PTPRD: variants seen among roughly 807,000 people sequenced by gnomAD.
PTPRD encodes receptor-type tyrosine-protein phosphatase delta.
PTPRD carries 34 observed loss-of-function variants against 214.5 expected under a neutral mutation model. The ratio of observed to expected loss-of-function variants is 0.16; its 90% confidence interval spans 0.12 to 0.21. The LOEUF (loss-of-function observed/expected upper bound fraction) is 0.21. PTPRD is among the 10% of genes least tolerant of loss of function. The pLI is 1.00. For synonymous variants in PTPRD, 1,128 were observed against 845.7 expected, an observed-to-expected ratio of 1.33 and a Z score of -5.79; for missense variants, 2,545 against 2,398.7, an observed-to-expected ratio of 1.06 and a Z score of -1.27.
intron 9 of PTPRD, among the ~76,000 whole-genome samples, chr9:9,317,893 C>T (rs980445171): frequency 3.9e-5 from 6 of 151,926 alleles, no homozygotes; most frequent in African/African-American, 7.3e-5. Flanking sequence ...TTTTTCCAGC[C>T]GGGTGCGGTG....
rs188353353 is a variant in PTPRD, at chr9:9,629,929, T to A, written c.-286-55148A>T. On this transcript the variant is annotated intron_variant, in intron 7 of 45. Coordinates refer to ENST00000381196, the MANE Select transcript of PTPRD (RefSeq NM_002839.4). ...TAGGGGAAATGAGAGTAGGTGAGAT[T>A]AGACAAAGTGAAAAACTTCCAGGAA... Among the ~76,000 whole-genome samples, 492 of 152,202 alleles carry A rather than the reference T, an allele frequency of 3.2e-3. 10 individuals carry two copies. In the Middle Eastern group the frequency reaches 0.044, roughly 14 times the overall value.
At chr9:10,011,042 A>G (rs972833029) in intron 4 of PTPRD, among the ~76,000 whole-genome samples, 5 of 152,016 alleles carry the variant, frequency 3.3e-5, no homozygotes, top group Non-Finnish European at 7.4e-5. Flanking sequence ...TTCATTTCAT[A>G]CAAATATTAA....
At position 9,226,237 on chromosome 9, in the gene PTPRD, G is replaced by C. The variant is rs115588841; in HGVS notation, c.-202-42874C>G. Among the ~76,000 whole-genome samples the C allele has an allele frequency of 7.9e-3, 1,201 of 151,590 alleles. 14 individuals are homozygous for C. The highest frequency in any genetic ancestry group is 0.028 in the African/African-American group (1,146 of 41,330). ...CCTTCAGGGAAATCTAGTAGGCAGTGGTCTGTTTCTCTGTGCAAAGGGCAA... is the reference window on the plus strand; with the variant it reads ...CCTTCAGGGAAATCTAGTAGGCAGTCGTCTGTTTCTCTGTGCAAAGGGCAA... On this transcript the variant is annotated intron_variant, in intron 9 of 45. Coordinates refer to ENST00000381196, the MANE Select transcript of PTPRD (RefSeq NM_002839.4).
At chr9:8,915,536 T>C (rs538981377) in intron 11 of PTPRD, among the ~76,000 whole-genome samples, 2 of 152,216 alleles carry the variant, frequency 1.3e-5, no homozygotes, top group South Asian at 4.1e-4. Flanking sequence ...TATTTACAAG[T>C]ATACACACAC....
chr9:9,983,613 C>G (rs2095614571), intron 4 of PTPRD, among the ~76,000 whole-genome samples: 1 of 152,194 alleles, frequency 6.6e-6, no homozygotes, highest in South Asian at 2.1e-4. Flanking sequence ...AACGTACACT[C>G]ACATACAAAT....
At chr9:9,866,992 T>A (rs2064131078) in intron 5 of PTPRD, among the ~76,000 whole-genome samples, 1 of 152,208 alleles carries the variant, frequency 6.6e-6, no homozygotes, top group Non-Finnish European at 1.5e-5. Context: ...TCATGTTATT[T>A]CTTTTGGCTT....
At chr9:9,752,325 G>A (rs902210636) in intron 6 of PTPRD, among the ~76,000 whole-genome samples, 1 of 152,000 alleles carries the variant, frequency 6.6e-6, no homozygotes, top group Non-Finnish European at 1.5e-5. Context: ...TTCATTAGCA[G>A]GCTTAAATGG....
At chr9:9,219,514 T>C (rs1181334682) in intron 9 of PTPRD, among the ~76,000 whole-genome samples, 1 of 152,116 alleles carries the variant, frequency 6.6e-6, no homozygotes, top group African/African-American at 2.4e-5. Context: ...AAGCAGCTGC[T>C]CAGTTTGTAT....
intron 2 of PTPRD, among the ~76,000 whole-genome samples, chr9:10,391,832 T>C (rs2098072763): frequency 6.6e-6 from 1 of 151,754 alleles, no homozygotes; most frequent in South Asian, 2.1e-4. Context: ...AACTTACTCA[T>C]GGTTATTTCT....
intron 7 of PTPRD, among the ~76,000 whole-genome samples, chr9:9,580,731 T>C (rs749990994): frequency 6.6e-6 from 1 of 151,924 alleles, no homozygotes; most frequent in Non-Finnish European, 1.5e-5. Context: ...GTATTTTTAG[T>C]AGAGATGGGC....
At chr9:10,032,415 A>C (rs919938645) in intron 4 of PTPRD, among the ~76,000 whole-genome samples, 2 of 152,180 alleles carry the variant, frequency 1.3e-5, no homozygotes, top group African/African-American at 4.8e-5. Context: ...TATGGGACAC[A>C]AGTTATTCTT....
intron 3 of PTPRD, among the ~76,000 whole-genome samples, chr9:10,266,240 G>A (rs770580840): frequency 1.7e-4 from 26 of 151,452 alleles, no homozygotes; most frequent in Non-Finnish European, 3.1e-4. Context: ...TATAAACCAA[G>A]CAATGTAAGG....
At chr9:9,348,165 C>G (rs1382689734) in intron 9 of PTPRD, among the ~76,000 whole-genome samples, 2 of 152,094 alleles carry the variant, frequency 1.3e-5, no homozygotes, top group Admixed American at 1.3e-4. Context: ...GATTTGGTAT[C>G]TTTAGAAAAG....
intron 7 of PTPRD, among the ~76,000 whole-genome samples, chr9:9,681,962 T>C (rs1461120084): frequency 3.3e-5 from 5 of 151,836 alleles, no homozygotes; most frequent in African/African-American, 1.2e-4. Flanking sequence ...ATTAGCATTC[T>C]AGAGATTAGG....
chr9:9,055,639 T>G (rs1292605154), intron 10 of PTPRD, among the ~76,000 whole-genome samples: 13 of 152,000 alleles, frequency 8.6e-5, no homozygotes, highest in Admixed American at 8.5e-4. Context: ...AAAAGTTGAG[T>G]ATATATTTGT....
chr9:9,527,289 G>A (rs957741138), intron 8 of PTPRD, among the ~76,000 whole-genome samples: 2 of 152,106 alleles, frequency 1.3e-5, no homozygotes, highest in Admixed American at 1.3e-4. Flanking sequence ...TCAAATTACT[G>A]TGCCTAAAGC....
chr9:10,016,757 T>C (rs1446762332), intron 4 of PTPRD, among the ~76,000 whole-genome samples: 1 of 151,874 alleles, frequency 6.6e-6, no homozygotes, highest in Admixed American at 6.6e-5. Context: ...CTCGATCTCT[T>C]GGGCTCAAGC....
chr9:10,484,521 CTT>C (rs2099120247), intron 2 of PTPRD, among the ~76,000 whole-genome samples: 1 of 151,962 alleles, frequency 6.6e-6, no homozygotes, highest in Non-Finnish European at 1.5e-5. Context: ...CGAGGGTTCT[CTT>C]TTCTCCATAT....
chr9:9,009,564 T>G (rs2099499283), intron 11 of PTPRD, among the ~76,000 whole-genome samples: 1 of 151,776 alleles, frequency 6.6e-6, no homozygotes, highest in African/African-American at 2.4e-5. Flanking sequence ...AGAAGCAAGT[T>G]GGTATGGAGA....
Sources: gnomAD v4.1 joint callset for allele counts (sites outside exome capture counted in the v4.1 genomes callset) on GRCh38, gnomAD v4.1.1 for gene constraint, MANE v1.5 for transcripts, NCBI Gene and HGNC (gene_info 2026-07-23, HGNC 2026-07-21) for gene names.